The following KCND2 variants were observed in gnomAD, a reference collection of about 807,000 sequenced individuals.
KCND2 encodes potassium voltage-gated channel subfamily D member 2, also known as A-type voltage-gated potassium channel KCND2.
In KCND2, 16 loss-of-function variants were observed where a neutral mutation model predicts 54.4. The observed-to-expected ratio is 0.29, with a 90% confidence interval of 0.20 to 0.45. KCND2 has a LOEUF of 0.45. KCND2 is among the 20% of genes least tolerant of loss of function. KCND2 has a pLI of 1.00. For missense variants in KCND2, 486 were observed against 824.2 expected (o/e 0.59, Z 5.02); for synonymous variants, 317 against 310.7 (o/e 1.02, Z -0.21).
At chr7:120,426,797 AT>A (rs1386676987) in intron 1 of KCND2, among the ~76,000 whole-genome samples, 1 of 151,546 alleles carries the variant, frequency 6.6e-6, no homozygotes, top group Non-Finnish European at 1.5e-5. Flanking sequence ...AATTTTTTGA[AT>A]TTTTAGTAGA....
intron 1 of KCND2, among the ~76,000 whole-genome samples, chr7:120,696,216 C>T (rs1018868828): frequency 4.6e-5 from 7 of 152,106 alleles, no homozygotes; most frequent in African/African-American, 1.4e-4. Context: ...CATACTTGGT[C>T]GGTAATGAAT....
rs1048235364 is a variant in KCND2 at position 120,750,237 on chromosome 7, T to A, written c.*2379T>A. On this transcript the variant is annotated 3_prime_UTR_variant, in exon 6 of 6. Transcript: ENST00000331113. ...GACAATTTTGTTTGAAATTCATATA[T>A]CTTATTTCAAAGGATAGCATAATAT... 2 of 152,382 alleles carry A rather than the reference T, an allele frequency of 1.3e-5. No homozygotes were observed. The highest frequency in any genetic ancestry group is 4.8e-5 in the African/African-American group (2 of 41,426). The allele number at this position is 152,382 out of a possible 1,614,324, so 9.4% of individuals were successfully genotyped here. A position where few individuals can be genotyped will look rare whatever the true frequency, so the allele number is the denominator to read the frequency against.
At chr7:120,526,829 T>A (rs1362102612) in intron 1 of KCND2, among the ~76,000 whole-genome samples, 1 of 152,128 alleles carries the variant, frequency 6.6e-6, no homozygotes, top group East Asian at 1.9e-4. Flanking sequence ...TTTTTCAATC[T>A]TTCTATTTCT....
At chr7:120,361,319 T>C (rs1262901685) in intron 1 of KCND2, among the ~76,000 whole-genome samples, 1 of 152,026 alleles carries the variant, frequency 6.6e-6, no homozygotes, top group Non-Finnish European at 1.5e-5. Context: ...CTCATTTTTA[T>C]AAGCAGAGCT....
At chr7:120,308,146 C>A (rs1167086223) in intron 1 of KCND2, among the ~76,000 whole-genome samples, 5 of 152,054 alleles carry the variant, frequency 3.3e-5, no homozygotes, top group Middle Eastern at 3.2e-3. Flanking sequence ...ATACCACTTA[C>A]TGAAGGGCTT....
chr7:120,462,982 A>G (rs1210293565), intron 1 of KCND2, among the ~76,000 whole-genome samples: 2 of 152,046 alleles, frequency 1.3e-5, no homozygotes, highest in African/African-American at 4.8e-5. Flanking sequence ...TACTATCTGT[A>G]TGTCAAGCAA....
chr7:120,475,363 C>A (rs779045776), intron 1 of KCND2, among the ~76,000 whole-genome samples: 1 of 152,204 alleles, frequency 6.6e-6, no homozygotes, highest in Non-Finnish European at 1.5e-5. Flanking sequence ...CACTTCATTT[C>A]ATCTTCCCTT....
intron 1 of KCND2, among the ~76,000 whole-genome samples, chr7:120,521,310 A>G (rs184570636): frequency 4.4e-4 from 67 of 152,168 alleles, no homozygotes; most frequent in Admixed American, 9.8e-4. Context: ...AAGATGTCCA[A>G]TTTTTAAAAA....
chr7:120,427,310 C>G (rs757324374), intron 1 of KCND2, among the ~76,000 whole-genome samples: 1 of 152,198 alleles, frequency 6.6e-6, no homozygotes, highest in Admixed American at 6.5e-5. Flanking sequence ...TGCCATTGTT[C>G]AGTTACACCC....
chr7:120,397,130 A>T lies in KCND2; in HGVS notation c.1115+121383A>T, dbSNP rs186728578. 4.6e-5 allele frequency among the ~76,000 whole-genome samples: 7 copies of T among 152,154 alleles called. No homozygotes were observed. The East Asian group carries it at 1.4e-3, about 29-fold the overall frequency. On this transcript the variant is annotated intron_variant, in intron 1 of 5. Transcript: ENST00000331113. ...GAATAAATACTAAAGTATTACCTTG[A>T]CCCTGCACTAGGATGAAAGAGACTA...
chr7:120,279,130 T>C (rs770968193), intron 1 of KCND2, among the ~76,000 whole-genome samples: 18 of 151,966 alleles, frequency 1.2e-4, no homozygotes, highest in Non-Finnish European at 2.1e-4. Flanking sequence ...CTTGCTAAAC[T>C]TAGGAAATTT....
chr7:120,608,172 C>T (rs564696225), intron 1 of KCND2, among the ~76,000 whole-genome samples: 1 of 151,760 alleles, frequency 6.6e-6, no homozygotes, highest in South Asian at 2.1e-4. Context: ...GGATAAATGA[C>T]AGTATTATAA....
chr7:120,333,482 T>G (rs927541220), intron 1 of KCND2, among the ~76,000 whole-genome samples: 10 of 152,066 alleles, frequency 6.6e-5, no homozygotes, highest in Non-Finnish European at 1.5e-4. Context: ...TTCAACTCCA[T>G]TTGTTCAAAA....
chr7:120,602,873 T>C (rs1409097540), intron 1 of KCND2, among the ~76,000 whole-genome samples: 1 of 152,180 alleles, frequency 6.6e-6, no homozygotes, highest in Non-Finnish European at 1.5e-5. Context: ...TGAGAGTAAA[T>C]GTTTATTCTT....
At chr7:120,590,128 C>A (rs546926252) in intron 1 of KCND2, among the ~76,000 whole-genome samples, 1 of 152,110 alleles carries the variant, frequency 6.6e-6, no homozygotes, top group Non-Finnish European at 1.5e-5. Flanking sequence ...TTCAAGCAAT[C>A]GTGCCTCAGC....
chr7:120,367,350 T>C (rs1800701035), intron 1 of KCND2, among the ~76,000 whole-genome samples: 1 of 152,142 alleles, frequency 6.6e-6, no homozygotes, highest in African/African-American at 2.4e-5. Flanking sequence ...TAATGCTGAC[T>C]CTTCTGTTTC....
chr7:120,534,647 TA>T (rs1232879573), intron 1 of KCND2, among the ~76,000 whole-genome samples: 1 of 152,136 alleles, frequency 6.6e-6, no homozygotes, highest in African/African-American at 2.4e-5. Flanking sequence ...GTCAATTTCT[TA>T]ATTGTGACAA....
intron 1 of KCND2, among the ~76,000 whole-genome samples, chr7:120,678,606 TACAC>T (rs1217810197): frequency 6.8e-6 from 1 of 147,676 alleles, no homozygotes; most frequent in Non-Finnish European, 1.5e-5. Context: ...TATATACACA[TACAC>T]ACATATATAC....
chr7:120,598,904 A>G (rs944611142), intron 1 of KCND2, among the ~76,000 whole-genome samples: 1 of 152,112 alleles, frequency 6.6e-6, no homozygotes, highest in South Asian at 2.1e-4. Flanking sequence ...GAAATCTTTT[A>G]CTAATCAAGG....
Sources: allele counts gnomAD v4.1 joint callset (sites outside exome capture counted in the v4.1 genomes callset), GRCh38; gene constraint gnomAD v4.1.1; transcripts MANE v1.5; gene names NCBI Gene and HGNC (gene_info 2026-07-23, HGNC 2026-07-21).